NALCN: variants seen among roughly 807,000 people sequenced by gnomAD.
NALCN encodes the protein sodium leak channel, non-selective, also known as sodium leak channel NALCN.
A neutral mutation model predicts 225.3 loss-of-function variants in NALCN; 111 were observed. The ratio of observed to expected loss-of-function variants is 0.49; its 90% CI spans 0.42 to 0.58. The LOEUF (loss-of-function observed/expected upper bound fraction) is 0.58. Among genes scored for constraint, NALCN ranks in the 20% least tolerant of loss-of-function variants. The pLI is 0.00. For synonymous variants in NALCN, 764 were observed against 769.0 expected (o/e 0.99, Z 0.11); for missense variants, 1,378 against 2,202.4 (o/e 0.63, Z 7.49).
intron 7 of NALCN, among the ~76,000 whole-genome samples, chr13:101,332,554 C>A (rs1376686053): frequency 3.9e-5 from 6 of 151,952 alleles, no homozygotes; most frequent in Admixed American, 6.6e-5. Flanking sequence ...AGCTAATTAT[C>A]AAAAATAAGA....
At chr13:101,124,559 A>G (rs1348771612) in intron 18 of NALCN, 49 bp downstream of exon 18, 1 of 1,504,354 alleles carries the variant, frequency 6.6e-7, no homozygotes, top group Non-Finnish European at 9.2e-7. Context: ...TTTTCGATTA[A>G]TATAATCCCA....
intron 7 of NALCN, among the ~76,000 whole-genome samples, chr13:101,309,720 C>A (rs533200464): frequency 2.0e-5 from 3 of 152,132 alleles, no homozygotes; most frequent in East Asian, 1.9e-4. Context: ...GTATTCTTGA[C>A]AAGAATTAAG....
At chr13:101,282,180 A>G (rs1352388231) in intron 10 of NALCN, among the ~76,000 whole-genome samples, 1 of 152,228 alleles carries the variant, frequency 6.6e-6, no homozygotes, top group African/African-American at 2.4e-5. Flanking sequence ...AAATGAAATC[A>G]GTATCTCAAA....
intron 6 of NALCN, among the ~76,000 whole-genome samples, chr13:101,367,442 C>T (rs1256048608): frequency 6.6e-6 from 1 of 152,000 alleles, no homozygotes; most frequent in Non-Finnish European, 1.5e-5. Flanking sequence ...CTAATCAATG[C>T]CTAAGGTAAT....
intron 18 of NALCN, among the ~76,000 whole-genome samples, chr13:101,113,772 T>C (rs761945741): frequency 6.6e-6 from 1 of 152,216 alleles, no homozygotes; most frequent in African/African-American, 2.4e-5. Context: ...AAAAAAAGAC[T>C]TGTTTTATAC....
intron 15 of NALCN, among the ~76,000 whole-genome samples, chr13:101,160,011 G>C (rs1416410921): frequency 6.6e-6 from 1 of 152,062 alleles, no homozygotes; most frequent in African/African-American, 2.4e-5. Context: ...CTGAAGTGCA[G>C]CGGTGCGATC....
intron 15 of NALCN, among the ~76,000 whole-genome samples, chr13:101,160,059 A>G (rs2038093590): frequency 6.6e-6 from 1 of 152,012 alleles, no homozygotes; most frequent in Non-Finnish European, 1.5e-5. Flanking sequence ...GGTTCAAGCG[A>G]TTCTACTGCC....
Position 101,110,637 on chromosome 13 carries a change from A to C in NALCN, c.2346T>G (p.Leu782=), listed in dbSNP as rs745802381. The C allele has an allele frequency of 4.3e-6, 7 of 1,614,086 alleles. No individual in the cohort carries two copies. The highest frequency in any genetic ancestry group is 1.7e-5 in the Admixed American group (1 of 60,028). The part of the protein sequence containing the change: ...NSQRISRGKS[L]ETLTQDHSNT... Reference sequence around the variant, plus strand: ...AACTTACATCTTGAGTCAAAGTTTCAAGAGATTTTCCCCTGCTGATCCTCT... The same window carrying C: ...AACTTACATCTTGAGTCAAAGTTTCCAGAGATTTTCCCCTGCTGATCCTCT... Residue 782 remains leucine, a synonymous_variant, in exon 20 of 44, where the codon CTT becomes CTG. Coordinates refer to ENST00000251127, the MANE Select transcript of NALCN (RefSeq NM_052867.4).
At chr13:101,056,542 G>A (rs1294125104) in intron 43 of NALCN, among the ~76,000 whole-genome samples, 1 of 152,122 alleles carries the variant, frequency 6.6e-6, no homozygotes, top group Non-Finnish European at 1.5e-5. Flanking sequence ...GATTACAGGG[G>A]TGAGCCACTG....
At chr13:101,103,611 T>TA (rs2034945339) in intron 25 of NALCN, among the ~76,000 whole-genome samples, 1 of 152,156 alleles carries the variant, frequency 6.6e-6, no homozygotes, top group Admixed American at 6.6e-5. Flanking sequence ...TCTTTTAACT[T>TA]ACTACTCTGG....
At chr13:101,147,526 A>G (rs1435047867) in intron 15 of NALCN, among the ~76,000 whole-genome samples, 1 of 151,586 alleles carries the variant, frequency 6.6e-6, no homozygotes, top group African/African-American at 2.4e-5. Flanking sequence ...CTTTTAACAA[A>G]CAAACAAAAA....
chr13:101,167,704 G>T (rs1464000736), intron 15 of NALCN, among the ~76,000 whole-genome samples: 1 of 88,986 alleles, frequency 1.1e-5, no homozygotes, highest in Non-Finnish European at 3.2e-5. Context: ...TGGATTTGGT[G>T]GTGCATGCCT....
rs2036231407 is a variant in NALCN, at chr13:101,126,415, T to C, written c.2119-1734A>G. On this transcript the variant is annotated intron_variant, in intron 17 of 43. Coordinates refer to ENST00000251127, the MANE Select transcript of NALCN (RefSeq NM_052867.4). ...CTATTTGGAACTTCCATTTTCTTGGTAGCACATACATGCTATTTCCAATGA... is the reference window on the plus strand; with the variant it reads ...CTATTTGGAACTTCCATTTTCTTGGCAGCACATACATGCTATTTCCAATGA... Among the ~76,000 whole-genome samples the C allele has an allele frequency of 2.0e-5, 3 of 152,278 alleles. No individual in the cohort carries two copies. The South Asian group carries it at 6.2e-4, about 32-fold the overall frequency.
intron 13 of NALCN, among the ~76,000 whole-genome samples, chr13:101,229,140 G>A (rs2140131940): frequency 6.6e-6 from 1 of 152,180 alleles, no homozygotes; most frequent in East Asian, 1.9e-4. Context: ...CTAGCATTCA[G>A]GTTTCAGCAT....
chr13:101,387,656 G>T (rs764428544), intron 3 of NALCN, among the ~76,000 whole-genome samples: 4 of 152,160 alleles, frequency 2.6e-5, no homozygotes, highest in Non-Finnish European at 5.9e-5. Context: ...TATGAAAAAT[G>T]ATGAGGTTTT....
chr13:101,407,192 A>G (rs889749483), intron 1 of NALCN, among the ~76,000 whole-genome samples: 1 of 152,236 alleles, frequency 6.6e-6, no homozygotes, highest in African/African-American at 2.4e-5. Flanking sequence ...ATTCTCTAAC[A>G]AAAGTTTATC....
intron 14 of NALCN, among the ~76,000 whole-genome samples, chr13:101,189,479 G>A (rs767196253): frequency 5.9e-5 from 9 of 152,166 alleles, no homozygotes; most frequent in African/African-American, 9.7e-5. Flanking sequence ...GGGTTAACTC[G>A]CAGATACATG....
At chr13:101,151,513 A>G (rs2037645574) in intron 15 of NALCN, among the ~76,000 whole-genome samples, 1 of 152,216 alleles carries the variant, frequency 6.6e-6, no homozygotes, top group Non-Finnish European at 1.5e-5. Flanking sequence ...GAGTTGATGT[A>G]ACTGTAGAAT....
chr13:101,294,729 T>G (rs916602934), intron 7 of NALCN, among the ~76,000 whole-genome samples: 1 of 151,940 alleles, frequency 6.6e-6, no homozygotes, highest in Non-Finnish European at 1.5e-5. Context: ...TGAAGTGAGA[T>G]GGTCACATGG....
Sources: gnomAD v4.1 joint callset for allele counts (sites outside exome capture counted in the v4.1 genomes callset) on GRCh38, gnomAD v4.1.1 for gene constraint, MANE v1.5 for transcripts, NCBI Gene and HGNC (gene_info 2026-07-23, HGNC 2026-07-21) for gene names.